Variants in PCDHGA5 observed in about 807,000 individuals in gnomAD.
The protein encoded by PCDHGA5 is protocadherin gamma subfamily A, 5.
A neutral mutation model predicts 56.7 loss-of-function variants in PCDHGA5; 36 were observed. The ratio of observed to expected loss-of-function variants is 0.64; its 90% CI spans 0.49 to 0.84. The LOEUF is 0.84. PCDHGA5 is among the 40% of genes least tolerant of loss of function. PCDHGA5 has a pLI of 0.00. For synonymous variants in PCDHGA5, 563 were observed against 520.2 expected (o/e 1.08, Z -1.12); for missense variants, 1,305 against 1,201.5 (o/e 1.09, Z -1.27).
rs1173375966 is a variant in PCDHGA5, at chr5:141,511,162, GAGA to G, written c.2791_2793del (p.Lys931del). 16 of 1,614,044 alleles carry G rather than the reference GAGA, an allele frequency of 9.9e-6. No individual in the cohort carries two copies. The highest frequency in any genetic ancestry group is 5.5e-5 in the South Asian group (5 of 91,078). On this transcript the variant is annotated inframe_deletion, in exon 4 of 4. Transcript: ENST00000518069. The stretch of plus-strand genomic sequence containing the variant: ...CAACAAGAAGAAGTCGGGCAAGAAG[GAGA>G]AGAAGTAACATGGAGGCCAGGCCAA...
intron 1 of PCDHGA5, chr5:141,409,876 C>A: frequency 6.2e-7 from 1 of 1,612,874 alleles, no homozygotes. Flanking sequence ...GCAATGACAA[C>A]GCACCGCGGG....
intron 1 of PCDHGA5, chr5:141,375,694 C>T (rs2150065576): frequency 1.2e-6 from 2 of 1,614,232 alleles, no homozygotes; most frequent in African/African-American, 2.7e-5. Context: ...CCAGCGACAG[C>T]GGGGACCCGC....
At position 141,415,070 on chromosome 5, in the gene PCDHGA5, C is replaced by G. The variant is rs538474552; in HGVS notation, c.2421+48319C>G. ...GGGGAGCACACGGGCGAGGTGCGCACGGCGCGAGCCCTGCTGGACAGAGAC... is the reference window on the plus strand; with the variant it reads ...GGGGAGCACACGGGCGAGGTGCGCAGGGCGCGAGCCCTGCTGGACAGAGAC... On this transcript the variant is annotated intron_variant, in intron 1 of 3. Coordinates refer to ENST00000518069, the MANE Select transcript of PCDHGA5 (RefSeq NM_018918.3). 26 of 1,613,284 alleles carry G rather than the reference C, an allele frequency of 1.6e-5. No homozygotes were observed. The Middle Eastern group carries it at 1.5e-3, about 92-fold the overall frequency.
intron 2 of PCDHGA5, among the ~76,000 whole-genome samples, chr5:141,503,275 C>T (rs1466636672): frequency 1.3e-5 from 2 of 152,108 alleles, no homozygotes; most frequent in Non-Finnish European, 2.9e-5. Context: ...GCACCTGGCT[C>T]TGTGTCTGGT....
chr5:141,490,051 G>T lies in PCDHGA5; in HGVS notation c.2422-4756G>T, dbSNP rs779280988. On this transcript the variant is annotated intron_variant, in intron 1 of 3. Coordinates refer to ENST00000518069, the MANE Select transcript of PCDHGA5 (RefSeq NM_018918.3). The surrounding 1 kb of genome is among the most constrained non-coding windows in gnomAD (Gnocchi z 5.4). ...CCGCCTCAATGCCACTGATCCAGACGAGGGCACCAACGGCCAACTAGACTA... is the reference window on the plus strand; with the variant it reads ...CCGCCTCAATGCCACTGATCCAGACTAGGGCACCAACGGCCAACTAGACTA... 3 of 1,614,214 alleles carry T rather than the reference G, an allele frequency of 1.9e-6. No homozygotes were observed. The Middle Eastern group carries it at 4.9e-4, about 266-fold the overall frequency.
chr5:141,478,801 T>G (rs2099477985), intron 1 of PCDHGA5: 1 of 1,463,438 alleles, frequency 6.8e-7, no homozygotes, highest in African/African-American at 1.4e-5. Flanking sequence ...TCAGCACTCT[T>G]TTGCTATCAC....
intron 1 of PCDHGA5, chr5:141,377,978 G>C (rs1774513116): frequency 6.6e-6 from 1 of 151,944 alleles, no homozygotes; most frequent in South Asian, 2.1e-4. Flanking sequence ...TATGTTCCTG[G>C]GTTGCAATCC....
chr5:141,499,486 C>T (rs569172977), intron 2 of PCDHGA5, among the ~76,000 whole-genome samples: 3 of 152,284 alleles, frequency 2.0e-5, no homozygotes, highest in East Asian at 1.9e-4. Context: ...CCACCAACTA[C>T]AGTTTAATAT....
chr5:141,370,878 G>A (rs906619365), intron 1 of PCDHGA5: 1 of 1,613,918 alleles, frequency 6.2e-7, no homozygotes, highest in African/African-American at 1.3e-5. Flanking sequence ...AGATCCTGAT[G>A]TAGGTGTCAA....
intron 3 of PCDHGA5, among the ~76,000 whole-genome samples, chr5:141,507,891 C>A (rs1031803854): frequency 6.6e-6 from 1 of 152,208 alleles, no homozygotes; most frequent in African/African-American, 2.4e-5. Flanking sequence ...AGAGAGGTTC[C>A]TGAAGTCCAG....
chr5:141,414,559 T>C (rs1330713312), intron 1 of PCDHGA5: 2 of 1,613,782 alleles, frequency 1.2e-6, no homozygotes, highest in Non-Finnish European at 1.7e-6. Flanking sequence ...AGTCTCCTAC[T>C]TTACCTATAT....
chr5:141,384,237 C>T, intron 1 of PCDHGA5: 2 of 1,613,888 alleles, frequency 1.2e-6, no homozygotes, highest in East Asian at 2.2e-5. Flanking sequence ...CAGACACCAA[C>T]GATAACCCAC....
chr5:141,400,194 G>T (rs2093978875), intron 1 of PCDHGA5: 2 of 1,614,034 alleles, frequency 1.2e-6, no homozygotes, highest in Non-Finnish European at 1.7e-6. Flanking sequence ...TTTACCTAGT[G>T]GTGGCCTTGG....
intron 1 of PCDHGA5, chr5:141,393,077 C>T (rs2150506328): frequency 6.2e-7 from 1 of 1,613,710 alleles, no homozygotes; most frequent in Non-Finnish European, 8.5e-7. Flanking sequence ...TCACCGCGGG[C>T]AGGATAGATC....
chr5:141,484,653 C>G (rs2099598614), intron 1 of PCDHGA5, among the ~76,000 whole-genome samples: 1 of 152,036 alleles, frequency 6.6e-6, no homozygotes, highest in Non-Finnish European at 1.5e-5. Flanking sequence ...AATGGCTACT[C>G]TCCCTCTCAG....
chr5:141,449,256 A>C (rs929920180), intron 1 of PCDHGA5, among the ~76,000 whole-genome samples: 5 of 152,176 alleles, frequency 3.3e-5, no homozygotes, highest in Non-Finnish European at 5.9e-5. Context: ...CAAGAATTGT[A>C]CAAAGAACTG....
chr5:141,468,274 G>A (rs1461428449), intron 1 of PCDHGA5, among the ~76,000 whole-genome samples: 1 of 144,906 alleles, frequency 6.9e-6, no homozygotes, highest in Non-Finnish European at 1.5e-5. Flanking sequence ...GTGGTGAGCC[G>A]AGACCACGCC....
intron 1 of PCDHGA5, chr5:141,400,747 G>T (rs2094069778): frequency 5.0e-6 from 3 of 602,662 alleles, no homozygotes; most frequent in African/African-American, 1.9e-5. Context: ...TTTGCTCTTA[G>T]CTTCCTCTCT....
intron 1 of PCDHGA5, chr5:141,422,068 T>C (rs1340696188): frequency 2.5e-6 from 4 of 1,612,076 alleles, no homozygotes; most frequent in Non-Finnish European, 3.4e-6. Flanking sequence ...AGTAATGTAT[T>C]CATTTCGGAA....
Sources: gnomAD v4.1 joint callset for allele counts (sites outside exome capture counted in the v4.1 genomes callset) on GRCh38, gnomAD v4.1.1 for gene constraint, Gnocchi (gnomAD v3.1) non-coding constraint, MANE v1.5 for transcripts, NCBI Gene and HGNC (gene_info 2026-07-23, HGNC 2026-07-21) for gene names.